SAMD5: variants seen among roughly 807,000 people sequenced by gnomAD.
SAMD5 encodes the protein sterile alpha motif domain containing 5, also known as sterile alpha motif domain-containing protein 5.
SAMD5 carries 13 observed loss-of-function variants against 11.3 expected under a neutral mutation model. The observed-to-expected ratio is 1.15, with a 90% CI of 0.75 to 1.83. SAMD5 has a LOEUF of 1.83. Among genes scored for constraint, SAMD5 ranks in the 40% most tolerant of loss-of-function variants. The probability of loss-of-function intolerance (pLI) is 0.00; values close to 1 mark genes in which losing one functional copy is unlikely to be tolerated. For synonymous variants in SAMD5, 129 were observed against 111.3 expected (o/e 1.16, Z -1.00); for missense variants, 255 against 239.1 (o/e 1.07, Z -0.44).
chr6:147,533,317 C>G (rs1394340877), intron 1 of SAMD5, among the ~76,000 whole-genome samples: 2 of 151,800 alleles, frequency 1.3e-5, no homozygotes, highest in East Asian at 1.9e-4. Context: ...GAAACCAAGG[C>G]CGGGCGCAGT....
intron 1 of SAMD5, among the ~76,000 whole-genome samples, chr6:147,653,380 T>A (rs961577335): frequency 6.6e-6 from 1 of 152,182 alleles, no homozygotes; most frequent in African/African-American, 2.4e-5. Context: ...ACAGTGAGAG[T>A]ATGTGTCTGA....
chr6:147,953,779 T>G, the SAMD5 span: 2 of 152,220 alleles, frequency 1.3e-5, no homozygotes, highest in Non-Finnish European at 2.9e-5. Context: ...CAATGGTTTA[T>G]TTGTCTATGC....
chr6:147,738,412 G>A (rs1201927417), downstream of SAMD5, among the ~76,000 whole-genome samples: 1 of 152,138 alleles, frequency 6.6e-6, no homozygotes, highest in African/African-American at 2.4e-5. Context: ...CACATAATCA[G>A]ATAAGCAAGC....
At chr6:147,875,144 C>T in the SAMD5 span, among the ~76,000 whole-genome samples, 1 of 152,300 alleles carries the variant, frequency 6.6e-6, no homozygotes, top group South Asian at 2.1e-4. Context: ...ATTAGAAAGA[C>T]AGTTTCTCAA....
At chr6:147,678,046 C>CAGGATA (rs1790890071) in intron 1 of SAMD5, among the ~76,000 whole-genome samples, 1 of 152,040 alleles carries the variant, frequency 6.6e-6, no homozygotes, top group African/African-American at 2.4e-5. Context: ...GAGGTGGGAG[C>CAGGATA]AGGATAATGT....
chr6:147,648,037 G>T (rs1790430857), intron 1 of SAMD5, among the ~76,000 whole-genome samples: 1 of 152,188 alleles, frequency 6.6e-6, no homozygotes, highest in South Asian at 2.1e-4. Context: ...GGTTGATCCT[G>T]TTAGTGGGGA....
chr6:147,821,260 C>G, the SAMD5 span, among the ~76,000 whole-genome samples: 1 of 152,144 alleles, frequency 6.6e-6, no homozygotes, highest in Non-Finnish European at 1.5e-5. Context: ...TAGTCTTCTT[C>G]CATGGATGTG....
the SAMD5 span, among the ~76,000 whole-genome samples, chr6:147,839,696 G>A: frequency 6.6e-6 from 1 of 152,218 alleles, no homozygotes; most frequent in Non-Finnish European, 1.5e-5. Context: ...GTTGCAGTGA[G>A]CTGAGGTGGC....
At position 147,509,308 on chromosome 6, in the gene SAMD5, A is replaced by G. The variant is rs376041894; in HGVS notation, c.380A>G (p.Lys127Arg). 4.6e-5 allele frequency: 73 copies of G among 1,579,046 alleles called. No homozygotes were observed. In the Middle Eastern group the frequency reaches 5.0e-4, roughly 11 times the overall value. Residue 127 changes from lysine (K) to arginine (R), a missense_variant, in exon 1 of 2, where the codon AAA becomes AGA. Lys to Arg is a conservative substitution (Grantham distance 26). Coordinates refer to ENST00000367474, the MANE Select transcript of SAMD5 (RefSeq NM_001030060.3). ...PRSRELVSYP[K>R]LKLKIMIRDK... ...AGCAGGGAGCTGGTGAGCTACCCCA[A>G]ACTGAAGCTGAAGATCATGATCAGG...
intron 1 of SAMD5, among the ~76,000 whole-genome samples, chr6:147,534,242 T>C (rs1378355686): frequency 6.6e-6 from 1 of 152,164 alleles, no homozygotes; most frequent in East Asian, 1.9e-4. Flanking sequence ...CTGGGTGAAG[T>C]GAGAGCACTT....
At chr6:147,551,130 T>C (rs997711440) in intron 1 of SAMD5, among the ~76,000 whole-genome samples, 6 of 152,218 alleles carry the variant, frequency 3.9e-5, no homozygotes, top group African/African-American at 1.4e-4. Context: ...GACAGCGCCC[T>C]GGGGCACAGT....
At chr6:147,704,783 G>A (rs1019286193) in intron 1 of SAMD5, among the ~76,000 whole-genome samples, 6 of 152,198 alleles carry the variant, frequency 3.9e-5, no homozygotes, top group Admixed American at 1.3e-4. Flanking sequence ...AAATGGAAAT[G>A]TGCAGTGGTG....
intron 1 of SAMD5, among the ~76,000 whole-genome samples, chr6:147,648,165 A>G (rs530511092): frequency 6.6e-6 from 1 of 152,306 alleles, no homozygotes; most frequent in Non-Finnish European, 1.5e-5. Flanking sequence ...GATAATTTAT[A>G]AAGGAAGGAG....
intron 1 of SAMD5, chr6:147,730,101 A>G (rs1372536142): frequency 1.1e-5 from 5 of 437,658 alleles, no homozygotes; most frequent in South Asian, 6.6e-5. Flanking sequence ...AAGAAAAGAA[A>G]AAAAGAAAAG....
At chr6:147,752,135 A>G in the SAMD5 span, among the ~76,000 whole-genome samples, 2,880 of 152,278 alleles carry the variant, frequency 0.019, 80 homozygotes, top group African/African-American at 0.064. Context: ...CATTATCTCT[A>G]TGGTAAAATG....
intron 1 of SAMD5, among the ~76,000 whole-genome samples, chr6:147,679,572 T>G (rs574322608): frequency 1.7e-4 from 26 of 152,184 alleles, no homozygotes; most frequent in Non-Finnish European, 3.5e-4. Flanking sequence ...ATCAAATAGG[T>G]TTTTTGCAAT....
chr6:147,914,465 AAAG>A, the SAMD5 span, among the ~76,000 whole-genome samples: 1 of 152,174 alleles, frequency 6.6e-6, no homozygotes, highest in Non-Finnish European at 1.5e-5. Flanking sequence ...GAATTGGAAA[AAAG>A]GAGGAATTCA....
At chr6:147,684,706 G>C (rs1229926999) in intron 1 of SAMD5, among the ~76,000 whole-genome samples, 1 of 152,088 alleles carries the variant, frequency 6.6e-6, no homozygotes, top group African/African-American at 2.4e-5. Flanking sequence ...TAATAAAATT[G>C]AACATCTTTT....
At chr6:147,573,944 G>A (rs1219350669), downstream of SAMD5, among the ~76,000 whole-genome samples, 1 of 152,072 alleles carries the variant, frequency 6.6e-6, no homozygotes, top group East Asian at 1.9e-4. Context: ...CCAACGTGGT[G>A]AAACCCCATC....
Sources: allele counts gnomAD v4.1 joint callset (sites outside exome capture counted in the v4.1 genomes callset), GRCh38; gene constraint gnomAD v4.1.1; transcripts MANE v1.5; gene names NCBI Gene and HGNC (gene_info 2026-07-23, HGNC 2026-07-21).